Variants in KIF26B observed in about 807,000 individuals in gnomAD.
KIF26B encodes kinesin family member 26B.
In KIF26B, 63 loss-of-function variants were observed where a neutral mutation model predicts 151.2. That is an observed-to-expected ratio of 0.42 (90% CI 0.34 to 0.51). The LOEUF (loss-of-function observed/expected upper bound fraction) is 0.51, where lower values mean the gene tolerates loss of function less well. Ranked by LOEUF, KIF26B falls within the 20% of genes least tolerant of loss-of-function variation. KIF26B has a pLI of 0.07. For missense variants in KIF26B, 2,813 were observed against 2,913.6 expected, an observed-to-expected ratio of 0.97 and a Z score of 0.79; for synonymous variants, 1,357 against 1,262.1, an observed-to-expected ratio of 1.08 and a Z score of -1.59.
At chr1:245,325,942 G>A (rs1373855888) in intron 2 of KIF26B, among the ~76,000 whole-genome samples, 1 of 152,020 alleles carries the variant, frequency 6.6e-6, no homozygotes, top group East Asian at 1.9e-4. Context: ...CTGCTCCCTC[G>A]CTTATTGCTA....
intron 2 of KIF26B, among the ~76,000 whole-genome samples, chr1:245,177,001 A>G (rs79270602): frequency 0.094 from 14,262 of 152,120 alleles, 857 homozygotes; most frequent in African/African-American, 0.17. Context: ...TGTCGCCTCG[A>G]CTGGAGTGCA....
At chr1:245,694,581 G>C (rs923497728) in intron 12 of KIF26B, among the ~76,000 whole-genome samples, 2 of 152,174 alleles carry the variant, frequency 1.3e-5, no homozygotes, top group Non-Finnish European at 2.9e-5. Flanking sequence ...GGGATGTTAA[G>C]AGTAGAAGGC....
intron 2 of KIF26B, among the ~76,000 whole-genome samples, chr1:245,222,726 C>A (rs1669799345): frequency 6.6e-6 from 1 of 152,120 alleles, no homozygotes; most frequent in African/African-American, 2.4e-5. Context: ...TAGAGTTTTT[C>A]ACACAAAATT....
intron 2 of KIF26B, among the ~76,000 whole-genome samples, chr1:245,173,566 G>T (rs569208868): frequency 2.6e-5 from 4 of 152,194 alleles, no homozygotes; most frequent in Non-Finnish European, 4.4e-5. Flanking sequence ...GCCACTTTAC[G>T]GGTAAAGAAG....
In KIF26B at chr1:245,336,042, G is replaced by A. The variant is rs75447173; in HGVS notation, c.466-30792G>A. 5.5e-3 allele frequency among the ~76,000 whole-genome samples: 522 copies of A among 95,066 alleles called. 37 individuals are homozygous for A. Among genetic ancestry groups the A allele is most frequent in the East Asian group, 0.015 (45 of 3,032 alleles). The allele number at this position is 95,066 out of a possible 152,430, so 62.4% of individuals were successfully genotyped here. On this transcript the variant is annotated intron_variant, in intron 2 of 14. Coordinates refer to ENST00000407071, the MANE Select transcript of KIF26B (RefSeq NM_018012.4). The stretch of plus-strand genomic sequence containing the variant: ...GGAGAGTCCCACGCAGGGAAAGGAG[G>A]GTCCCACGCAGGGAAAGGAGAGTCC...
At chr1:245,262,953 ATGTT>A (rs1224561848) in intron 2 of KIF26B, among the ~76,000 whole-genome samples, 1 of 152,220 alleles carries the variant, frequency 6.6e-6, no homozygotes, top group Non-Finnish European at 1.5e-5. Context: ...ATATGTGTGT[ATGTT>A]AAAGCACTTA....
chr1:245,694,931 C>G (rs528434540), intron 12 of KIF26B, among the ~76,000 whole-genome samples: 1 of 152,314 alleles, frequency 6.6e-6, no homozygotes, highest in South Asian at 2.1e-4. Context: ...AGAAGGGAGC[C>G]CAACCCACCG....
intron 2 of KIF26B, among the ~76,000 whole-genome samples, chr1:245,203,760 C>G (rs1348834750): frequency 6.6e-6 from 1 of 152,228 alleles, no homozygotes; most frequent in African/African-American, 2.4e-5. Flanking sequence ...TCCCTCTCCA[C>G]TCCTTGTCTC....
chr1:245,573,111 A>G (rs898518676), intron 5 of KIF26B, among the ~76,000 whole-genome samples: 1 of 152,242 alleles, frequency 6.6e-6, no homozygotes, highest in African/African-American at 2.4e-5. Context: ...ACAAAGGGTT[A>G]TGCTCCGTCA....
intron 2 of KIF26B, among the ~76,000 whole-genome samples, chr1:245,304,240 A>G (rs1346789576): frequency 2.0e-5 from 3 of 152,152 alleles, no homozygotes; most frequent in Non-Finnish European, 4.4e-5. Context: ...AGGTTTTGAT[A>G]TATTCCCTCT....
chr1:245,320,128 C>T (rs1671860168), intron 2 of KIF26B, among the ~76,000 whole-genome samples: 1 of 152,192 alleles, frequency 6.6e-6, no homozygotes, highest in Non-Finnish European at 1.5e-5. Context: ...ACTGGAGGTT[C>T]AGAGCAGCAA....
rs529209958 is a variant in KIF26B, at chr1:245,320,838, C to T, written c.466-45996C>T. Among the ~76,000 whole-genome samples, 16 of 152,162 alleles carry T rather than the reference C, an allele frequency of 1.1e-4. No homozygotes were observed. The South Asian group carries it at 2.9e-3, about 28-fold the overall frequency. ...GATTACAGACACACGCCACCATGCCCGGCTAATATTTGTATTTTTAGTAGA... is the reference window on the plus strand; with the variant it reads ...GATTACAGACACACGCCACCATGCCTGGCTAATATTTGTATTTTTAGTAGA... On this transcript the variant is annotated intron_variant, in intron 2 of 14. Transcript: ENST00000407071.
At chr1:245,376,395 G>C (rs1465285931) in intron 3 of KIF26B, among the ~76,000 whole-genome samples, 1 of 151,814 alleles carries the variant, frequency 6.6e-6, no homozygotes, top group African/African-American at 2.4e-5. Flanking sequence ...CTCAATTTTG[G>C]CTTCACACTA....
chr1:245,610,853 G>A (rs1442152294), intron 8 of KIF26B, among the ~76,000 whole-genome samples: 1 of 152,196 alleles, frequency 6.6e-6, no homozygotes, highest in African/African-American at 2.4e-5. Context: ...GATGGCCTCA[G>A]GTTCTAAATA....
At chr1:245,500,320 T>G (rs1451259520) in intron 4 of KIF26B, among the ~76,000 whole-genome samples, 1 of 152,238 alleles carries the variant, frequency 6.6e-6, no homozygotes, top group African/African-American at 2.4e-5. Flanking sequence ...GAAATGGTAT[T>G]GGTCATTTAA....
intron 2 of KIF26B, among the ~76,000 whole-genome samples, chr1:245,249,341 C>T (rs141388873): frequency 3.8e-3 from 572 of 152,088 alleles, no homozygotes; most frequent in African/African-American, 0.012. Flanking sequence ...CCTTGTGATC[C>T]GCCCGCCTTG....
intron 4 of KIF26B, among the ~76,000 whole-genome samples, chr1:245,441,059 C>T (rs199699689): frequency 4.6e-5 from 7 of 152,174 alleles, no homozygotes; most frequent in African/African-American, 9.7e-5. Flanking sequence ...GGACAGGTGA[C>T]GGCCTGGCGT....
chr1:245,688,834 G>T (rs765939796), intron 12 of KIF26B, 27 bp downstream of exon 12: 1 of 1,540,450 alleles, frequency 6.5e-7, no homozygotes, highest in African/African-American at 1.4e-5. Context: ...AGGGACGCGG[G>T]TGAGGAGGGC....
chr1:245,688,823 C>CTGGTGAGG lies in KIF26B; in HGVS notation c.5824+16_5824+17insTGGTGAGG. Reference sequence around the variant, plus strand: ...TCCAATCCAGGTAGGCGGCTGGGCGCAGGGACGCGGGTGAGGAGGGCGGCA... The same window carrying CTGGTGAGG: ...TCCAATCCAGGTAGGCGGCTGGGCGCTGGTGAGGAGGGACGCGGGTGAGGAGGGCGGCA... On this transcript the variant is annotated intron_variant, in intron 12 of 14. Transcript: ENST00000407071. 1.3e-6 allele frequency: 2 copies of CTGGTGAGG among 1,554,404 alleles called. No individual in the cohort carries two copies. Among genetic ancestry groups the CTGGTGAGG allele is most frequent in the Non-Finnish European group, 1.7e-6 (2 of 1,147,426 alleles).
Sources: gnomAD v4.1 joint callset for allele counts (sites outside exome capture counted in the v4.1 genomes callset) on GRCh38, gnomAD v4.1.1 for gene constraint, MANE v1.5 for transcripts, NCBI Gene and HGNC (gene_info 2026-07-23, HGNC 2026-07-21) for gene names.